Variants in IL1RAPL2 observed in about 807,000 individuals in gnomAD.
IL1RAPL2 encodes the protein X-linked interleukin-1 receptor accessory protein-like 2.
IL1RAPL2 carries 3 observed loss-of-function variants against 44.1 expected under a neutral mutation model. The observed-to-expected ratio is 0.07, with a 90% CI of 0.03 to 0.18. The LOEUF (loss-of-function observed/expected upper bound fraction) is 0.18. IL1RAPL2 is among the 10% of genes least tolerant of loss of function. The pLI is 1.00. For missense variants in IL1RAPL2, 391 were observed against 496.4 expected, an observed-to-expected ratio of 0.79 and a Z score of 2.02; for synonymous variants, 181 against 178.8, an observed-to-expected ratio of 1.01 and a Z score of -0.10.
chrX:104,661,601 A>G (rs769110724), intron 2 of IL1RAPL2, among the ~76,000 whole-genome samples: 15 of 108,269 alleles, frequency 1.4e-4, no homozygotes, highest in Admixed American at 5.0e-4. Context: ...CCAGCCCTAT[A>G]CCTCTGTTAA....
chrX:104,986,139 C>G (rs1324448627), intron 2 of IL1RAPL2, among the ~76,000 whole-genome samples: 1 of 111,906 alleles, frequency 8.9e-6, no homozygotes, highest in Non-Finnish European at 1.9e-5. Flanking sequence ...CTGAATGTCT[C>G]TGTAGCACTG....
chrX:105,509,126 A>G (rs1313451400), intron 6 of IL1RAPL2, among the ~76,000 whole-genome samples: 1 of 112,062 alleles, frequency 8.9e-6, no homozygotes, highest in Non-Finnish European at 1.9e-5. Flanking sequence ...CTTACATTTT[A>G]CTTGAGAGAC....
At chrX:105,514,937 A>G (rs952073849) in intron 6 of IL1RAPL2, among the ~76,000 whole-genome samples, 32 of 110,635 alleles carry the variant, frequency 2.9e-4, no homozygotes, top group African/African-American at 1.0e-3. Flanking sequence ...CTGAGAGAGG[A>G]AAAAAAACAA....
At chrX:104,872,707 C>T (rs1012882109) in intron 2 of IL1RAPL2, among the ~76,000 whole-genome samples, 1 of 111,410 alleles carries the variant, frequency 9.0e-6, no homozygotes, top group African/African-American at 3.3e-5. Context: ...GTAGAAACTA[C>T]AGCCAATTAA....
intron 1 of IL1RAPL2, among the ~76,000 whole-genome samples, chrX:104,602,553 G>A (rs1363204007): frequency 9.0e-6 from 1 of 111,543 alleles, no homozygotes; most frequent in African/African-American, 3.3e-5. Flanking sequence ...CCACCCTCAC[G>A]GAGCCCAGCA....
chrX:104,930,549 G>A (rs183117649), intron 2 of IL1RAPL2, among the ~76,000 whole-genome samples: 1 of 111,903 alleles, frequency 8.9e-6, no homozygotes, highest in East Asian at 2.8e-4. Flanking sequence ...TATTATCTCT[G>A]TTTTACAGAC....
At chrX:105,186,441 A>G (rs1375594137) in intron 2 of IL1RAPL2, among the ~76,000 whole-genome samples, 4 of 111,820 alleles carry the variant, frequency 3.6e-5, no homozygotes, top group African/African-American at 1.3e-4. Context: ...TGAAGACAGG[A>G]AAGAGCTGGC....
intron 5 of IL1RAPL2, among the ~76,000 whole-genome samples, chrX:105,327,703 G>T (rs2034951307): frequency 9.0e-6 from 1 of 111,471 alleles, no homozygotes; most frequent in South Asian, 3.8e-4. Flanking sequence ...CTTCATTTCA[G>T]ATATGGACTT....
Position 105,527,053 on chromosome X carries a change from G to T in IL1RAPL2, c.772+42666G>T, listed in dbSNP as rs144038658. On this transcript the variant is annotated intron_variant, in intron 6 of 10. Coordinates refer to ENST00000372582, the MANE Select transcript of IL1RAPL2 (RefSeq NM_017416.2). The stretch of plus-strand genomic sequence containing the variant: ...TATTTTAATTTTCTAAGTTCACAAA[G>T]TCCAGGAAGAAAACTCTCTTGAATT... 9.0e-5 allele frequency among the ~76,000 whole-genome samples: 10 copies of T among 111,303 alleles called. No homozygotes were observed. The East Asian group carries it at 2.5e-3, about 28-fold the overall frequency.
intron 2 of IL1RAPL2, among the ~76,000 whole-genome samples, chrX:104,899,205 C>T: frequency 9.0e-6 from 1 of 111,600 alleles, no homozygotes; most frequent in African/African-American, 3.3e-5. Context: ...GTATGTAAAG[C>T]CCTTGAGAGA....
At chrX:104,618,923 C>A (rs574549258) in intron 1 of IL1RAPL2, among the ~76,000 whole-genome samples, 1 of 111,505 alleles carries the variant, frequency 9.0e-6, no homozygotes, top group East Asian at 2.9e-4. Flanking sequence ...AGAGAGTGCC[C>A]TTGAGTGATA....
chrX:104,682,868 G>C (rs771365199), intron 2 of IL1RAPL2, among the ~76,000 whole-genome samples: 1 of 111,721 alleles, frequency 9.0e-6, no homozygotes, highest in Non-Finnish European at 1.9e-5. Flanking sequence ...TATATGTAAA[G>C]ATTGTCCTAT....
chrX:105,216,216 G>T (rs1184740714), intron 3 of IL1RAPL2, among the ~76,000 whole-genome samples: 1 of 110,927 alleles, frequency 9.0e-6, no homozygotes, highest in Non-Finnish European at 1.9e-5. Context: ...AAACCCCATC[G>T]TCTCAGCCCA....
intron 3 of IL1RAPL2, chrX:105,219,166 A>G (rs782273513): frequency 8.3e-7 from 1 of 1,211,236 alleles, no homozygotes. Context: ...ATCAGACCAC[A>G]GGCTAGTATC....
intron 2 of IL1RAPL2, among the ~76,000 whole-genome samples, chrX:104,788,541 A>G (rs1054076452): frequency 4.5e-5 from 5 of 112,232 alleles, no homozygotes; most frequent in Non-Finnish European, 9.4e-5. Context: ...AAGTACTGAG[A>G]AAGAAGTTAC....
intron 2 of IL1RAPL2, among the ~76,000 whole-genome samples, chrX:104,983,607 ATATAATAT>A (rs2030501345): frequency 1.4e-5 from 1 of 71,009 alleles, no homozygotes; most frequent in Non-Finnish European, 2.8e-5. Flanking sequence ...TATGCATAAT[ATATAATAT>A]TATATTATAT....
intron 6 of IL1RAPL2, among the ~76,000 whole-genome samples, chrX:105,593,894 A>G (rs1248470570): frequency 8.9e-6 from 1 of 111,907 alleles, no homozygotes; most frequent in East Asian, 2.8e-4. Context: ...GTGCACATAC[A>G]AGCAGCAGCC....
intron 2 of IL1RAPL2, among the ~76,000 whole-genome samples, chrX:104,856,373 A>G (rs1012816084): frequency 1.2e-4 from 13 of 112,189 alleles, no homozygotes. Flanking sequence ...TGTCAGCAAG[A>G]CAATATTCAC....
intron 5 of IL1RAPL2, among the ~76,000 whole-genome samples, chrX:105,453,734 C>CATGCTGCT (rs1211865387): frequency 1.7e-4 from 19 of 112,096 alleles, no homozygotes; most frequent in Non-Finnish European, 5.6e-5. Flanking sequence ...TATTTTCTTT[C>CATGCTGCT]ATGCTGCTGT....
Sources: gnomAD v4.1 joint callset for allele counts (sites outside exome capture counted in the v4.1 genomes callset) on GRCh38, gnomAD v4.1.1 for gene constraint, MANE v1.5 for transcripts, NCBI Gene and HGNC (gene_info 2026-07-23, HGNC 2026-07-21) for gene names.